The following STAT5B variants were observed in gnomAD, a reference collection of about 807,000 sequenced individuals.
STAT5B encodes the protein signal transducer and activator of transcription 5B.
Under a neutral mutation model 107.8 loss-of-function variants are expected in STAT5B, and 21 were observed. The ratio of observed to expected loss-of-function variants is 0.19; its 90% CI spans 0.14 to 0.28. The LOEUF is 0.28. STAT5B is among the 10% of genes least tolerant of loss of function. The probability of loss-of-function intolerance (pLI) is 1.00; values close to 1 mark genes in which losing one functional copy is unlikely to be tolerated. For missense variants in STAT5B, 565 were observed against 1,008.2 expected (o/e 0.56, Z 5.95); for synonymous variants, 325 against 401.7 (o/e 0.81, Z 2.28).
In STAT5B at chr17:42,227,641, G is replaced by A. The variant is rs763601763; in HGVS notation, c.173C>T (p.Thr58Ile). Residue 58 changes from threonine to isoleucine, a missense_variant, in exon 3 of 19, where the codon ACC becomes ATC. Thr to Ile is a moderately conservative substitution (Grantham distance 89). Coordinates refer to ENST00000293328, the MANE Select transcript of STAT5B (RefSeq NM_012448.4). ...LDNPQENIKA[T>I]QLLEGLVQEL... is the part of the protein sequence containing the mutation. ...CTGCACCAGGCCCTCCAGGAGCTGGGTGGCCTTAATGTTCTCCTGTGGATT... is the reference window on the plus strand; with the variant it reads ...CTGCACCAGGCCCTCCAGGAGCTGGATGGCCTTAATGTTCTCCTGTGGATT... The A allele has an allele frequency of 5.6e-6, 9 of 1,613,914 alleles. No individual in the cohort carries two copies. The highest frequency in any genetic ancestry group is 1.3e-5 in the African/African-American group (1 of 74,860).
chr17:42,242,075 T>A (rs1437328863), intron 1 of STAT5B, among the ~76,000 whole-genome samples: 1 of 152,030 alleles, frequency 6.6e-6, no homozygotes, highest in Non-Finnish European at 1.5e-5. Context: ...CAATCCGCCA[T>A]TAATCTTTAT....
intron 1 of STAT5B, among the ~76,000 whole-genome samples, chr17:42,255,710 T>C (rs2080537658): frequency 6.6e-6 from 1 of 152,184 alleles, no homozygotes; most frequent in African/African-American, 2.4e-5. Flanking sequence ...GATTTTAGTT[T>C]AGGATGAAAA....
rs111385089 is a variant in STAT5B, at chr17:42,237,744, G to C, written c.-10-5607C>G. ...TCTCTAAACTGGGGTTAAACTTTTA[G>C]AGATGATGCTGAACTCACCTAAATA... On this transcript the variant is annotated intron_variant, in intron 1 of 18. Coordinates refer to ENST00000293328, the MANE Select transcript of STAT5B (RefSeq NM_012448.4). 5.2e-3 allele frequency among the ~76,000 whole-genome samples: 796 copies of C among 152,286 alleles called. 11 individuals are homozygous for C. The highest frequency in any genetic ancestry group is 0.018 in the African/African-American group (729 of 41,550).
intron 15 of STAT5B, among the ~76,000 whole-genome samples, chr17:42,208,535 G>A (rs1353366663): frequency 1.3e-5 from 2 of 151,812 alleles, no homozygotes; most frequent in Non-Finnish European, 2.9e-5. Context: ...AAAGCCATGG[G>A]TAGATAAGCA....
In STAT5B at chr17:42,202,825, G is replaced by A. The variant is rs779334030; in HGVS notation, c.2078-17C>T. The A allele has an allele frequency of 1.9e-6, 3 of 1,614,226 alleles. No individual in the cohort carries two copies. The highest frequency in any genetic ancestry group is 1.1e-5 in the South Asian group (1 of 91,090). On this transcript the variant is annotated splice_polypyrimidine_tract_variant and intron_variant, in intron 16 of 18. Coordinates refer to ENST00000293328, the MANE Select transcript of STAT5B (RefSeq NM_012448.4). The stretch of plus-strand genomic sequence containing the variant: ...CAGCTTTAGCTGCCAAGGGAAGAAT[G>A]TAGTAAATCAAAGTTCTCAAGTGAA...
intron 9 of STAT5B, 194 bp from the exon 10 acceptor site, chr17:42,217,658 C>T (rs1015783713): frequency 1.5e-6 from 1 of 649,036 alleles, no homozygotes; most frequent in Non-Finnish European, 2.7e-6. Context: ...CAAGATCAAA[C>T]TATCTTCACA....
intron 9 of STAT5B, chr17:42,217,801 T>C (rs2080185528): frequency 6.9e-6 from 3 of 435,594 alleles, no homozygotes; most frequent in African/African-American, 6.1e-5. Flanking sequence ...GCCTCCCAGG[T>C]TCAAGGGATT....
chr17:42,229,036 T>C (rs1417844929), intron 2 of STAT5B, among the ~76,000 whole-genome samples: 1 of 152,192 alleles, frequency 6.6e-6, no homozygotes, highest in Non-Finnish European at 1.5e-5. Context: ...CAAGTCAGAT[T>C]CTAAATATGT....
chr17:42,202,153 C>A, intron 18 of STAT5B, 187 bp downstream of exon 18: 1 of 714,232 alleles, frequency 1.4e-6, no homozygotes, highest in Non-Finnish European at 2.4e-6. Context: ...TTTGCCCAAC[C>A]CGACTCTAAA....
upstream of STAT5B, among the ~76,000 whole-genome samples, chr17:42,279,801 C>CAGA: frequency 7.1e-6 from 1 of 141,048 alleles, no homozygotes; most frequent in Admixed American, 7.0e-5. Flanking sequence ...AACTCCATCT[C>CAGA]AGAAAAAAAA....
intron 2 of STAT5B, among the ~76,000 whole-genome samples, chr17:42,231,681 C>T (rs771815484): frequency 5.9e-5 from 9 of 152,232 alleles, no homozygotes; most frequent in East Asian, 1.9e-4. Flanking sequence ...TGCTAGGCAT[C>T]CCATGGGCAC....
chr17:42,212,266 G>A (rs916710604), intron 12 of STAT5B, 76 bp from the exon 13 acceptor site: 27 of 1,608,476 alleles, frequency 1.7e-5, no homozygotes, highest in Middle Eastern at 1.7e-4. Flanking sequence ...AAAGAAAAAC[G>A]CTGATGGCTG....
chr17:42,257,479 T>C (rs1406381049), intron 1 of STAT5B, among the ~76,000 whole-genome samples: 1 of 152,234 alleles, frequency 6.6e-6, no homozygotes, highest in Admixed American at 6.5e-5. Flanking sequence ...ATCATCTTTA[T>C]GGAGCTATTG....
At chr17:42,287,041 C>A in the STAT5B span, among the ~76,000 whole-genome samples, 4 of 152,134 alleles carry the variant, frequency 2.6e-5, no homozygotes, top group African/African-American at 9.7e-5. Flanking sequence ...CTGGGGCCCC[C>A]TGCAGAGCAT....
the STAT5B span, among the ~76,000 whole-genome samples, chr17:42,283,703 C>T: frequency 6.6e-6 from 1 of 152,244 alleles, no homozygotes; most frequent in Non-Finnish European, 1.5e-5. Context: ...AGCTCCTTCC[C>T]TTCCCCCAGA....
At position 42,200,929 on chromosome 17, in the gene STAT5B, C is replaced by T. The variant is rs1388426577; in HGVS notation, c.*809G>A. ...CACTCCACTCTGGCCAGAACACAAA[C>T]GGCATTGGCACTGTAAGCTCTCAGT... On this transcript the variant is annotated 3_prime_UTR_variant, in exon 19 of 19. Transcript: ENST00000293328. 8 of 396,816 alleles carry T rather than the reference C, an allele frequency of 2.0e-5. No homozygotes were observed. Among genetic ancestry groups the T allele is most frequent in the South Asian group, 1.4e-4 (1 of 7,014 alleles). The allele number at this position is 396,816 out of a possible 1,614,324, so 24.6% of individuals were successfully genotyped here.
chr17:42,250,991 A>G (rs534752484), intron 1 of STAT5B, among the ~76,000 whole-genome samples: 2 of 152,116 alleles, frequency 1.3e-5, no homozygotes, highest in South Asian at 4.1e-4. Context: ...CCTGCAGTTT[A>G]ACTCCTTTAT....
intron 1 of STAT5B, chr17:42,234,988 T>C (rs1225546328): frequency 2.0e-5 from 3 of 152,212 alleles, no homozygotes; most frequent in Non-Finnish European, 2.9e-5. Context: ...GAGTAAGAAG[T>C]AGGCCCTCAC....
At chr17:42,275,927 A>G (rs2080761091) in intron 1 of STAT5B, among the ~76,000 whole-genome samples, 3 of 151,920 alleles carry the variant, frequency 2.0e-5, no homozygotes, top group African/African-American at 7.2e-5. Flanking sequence ...CTGAGCTCCT[A>G]TGGGGTCGGC....
Sources: gnomAD v4.1 joint callset for allele counts (sites outside exome capture counted in the v4.1 genomes callset) on GRCh38, gnomAD v4.1.1 for gene constraint, MANE v1.5 for transcripts, NCBI Gene and HGNC (gene_info 2026-07-23, HGNC 2026-07-21) for gene names.